SLCO5A1: variants seen among roughly 807,000 people sequenced by gnomAD.
The protein encoded by SLCO5A1 is solute carrier organic anion transporter family member 5A1, also known as organic anion transporter polypeptide-related protein 4.
Under a neutral mutation model 65.1 loss-of-function variants are expected in SLCO5A1, and 39 were observed. The ratio of observed to expected loss-of-function variants is 0.60; its 90% confidence interval spans 0.46 to 0.78. SLCO5A1 has a LOEUF of 0.78. Among genes scored for constraint, SLCO5A1 ranks in the 30% least tolerant of loss-of-function variants. SLCO5A1 has a pLI of 0.00. For synonymous variants in SLCO5A1, 438 were observed against 415.7 expected (o/e 1.05, Z -0.65); for missense variants, 1,029 against 1,069.4 (o/e 0.96, Z 0.53).
chr8:69,801,267 T>G (rs1244761436), intron 2 of SLCO5A1, among the ~76,000 whole-genome samples: 1 of 152,218 alleles, frequency 6.6e-6, no homozygotes, highest in Non-Finnish European at 1.5e-5. Context: ...CTTAAATTAG[T>G]AGAGCTGTAA....
chr8:69,727,765 G>T (rs13253141), intron 5 of SLCO5A1, among the ~76,000 whole-genome samples: 2,075 of 152,272 alleles, frequency 0.014, 32 homozygotes, highest in Middle Eastern at 0.041. Flanking sequence ...TCATTCTTTT[G>T]ATCTTTATAA....
chr8:69,766,498 CAT>C (rs1491427006), intron 2 of SLCO5A1, among the ~76,000 whole-genome samples: 1 of 152,078 alleles, frequency 6.6e-6, no homozygotes, highest in African/African-American at 2.4e-5. Flanking sequence ...TCTGTGTGCA[CAT>C]GTGTGTGTTT....
chr8:69,686,231 C>CAAAAAAA lies in SLCO5A1; in HGVS notation c.1623-3895_1623-3889dup, dbSNP rs3060023. 6.0e-4 allele frequency among the ~76,000 whole-genome samples: 85 copies of CAAAAAAA among 141,706 alleles called. 2 individuals carry two copies. Among genetic ancestry groups the CAAAAAAA allele is most frequent in the African/African-American group, 1.1e-3 (40 of 36,118 alleles). 93.0% of individuals were successfully genotyped at this position (141,706 alleles called of 152,430 possible). A position where few individuals can be genotyped will look rare whatever the true frequency, so the allele number is the denominator to read the frequency against. On this transcript the variant is annotated intron_variant, in intron 6 of 9. Coordinates refer to ENST00000260126, the MANE Select transcript of SLCO5A1 (RefSeq NM_030958.3). ...GACTAAAAGAACATGCTTCACACAG[C>CAAAAAAA]AAAAAAAAGAGAGAGAAGACCTCTT...
At chr8:69,786,041 T>G (rs1282914652) in intron 2 of SLCO5A1, among the ~76,000 whole-genome samples, 1 of 152,242 alleles carries the variant, frequency 6.6e-6, no homozygotes, top group Non-Finnish European at 1.5e-5. Flanking sequence ...TGGAGTAATC[T>G]CATCAGTTAT....
chr8:69,816,694 G>A (rs1441279395), intron 2 of SLCO5A1, among the ~76,000 whole-genome samples: 2 of 152,000 alleles, frequency 1.3e-5, no homozygotes, highest in South Asian at 4.2e-4. Flanking sequence ...TAATCTTAAC[G>A]TGCCTACTCT....
At chr8:69,800,467 T>C (rs543853079) in intron 2 of SLCO5A1, among the ~76,000 whole-genome samples, 1 of 152,296 alleles carries the variant, frequency 6.6e-6, no homozygotes, top group Non-Finnish European at 1.5e-5. Flanking sequence ...ATTCATTCTT[T>C]AGCCAAGTCT....
intron 2 of SLCO5A1, among the ~76,000 whole-genome samples, chr8:69,820,329 C>T (rs1411187599): frequency 1.3e-5 from 2 of 152,214 alleles, no homozygotes; most frequent in Non-Finnish European, 2.9e-5. Context: ...CTGTACCAGC[C>T]CCTGACTGCC....
intron 2 of SLCO5A1, among the ~76,000 whole-genome samples, chr8:69,789,306 T>C (rs1819168040): frequency 6.6e-6 from 1 of 152,266 alleles, no homozygotes; most frequent in African/African-American, 2.4e-5. Context: ...AAAATCAGTA[T>C]GCAAGTAATA....
At chr8:69,774,566 T>G (rs1412052384) in intron 2 of SLCO5A1, among the ~76,000 whole-genome samples, 2 of 152,216 alleles carry the variant, frequency 1.3e-5, no homozygotes, top group Non-Finnish European at 2.9e-5. Flanking sequence ...CCCTCCGGTG[T>G]GTAACCCACT....
At chr8:69,804,913 T>G (rs1819925044) in intron 2 of SLCO5A1, among the ~76,000 whole-genome samples, 2 of 152,196 alleles carry the variant, frequency 1.3e-5, no homozygotes, top group Non-Finnish European at 2.9e-5. Flanking sequence ...CCTTGACACT[T>G]CTGGATTCTC....
intron 2 of SLCO5A1, among the ~76,000 whole-genome samples, chr8:69,792,885 G>GA (rs980466044): frequency 3.3e-5 from 5 of 151,586 alleles, no homozygotes; most frequent in East Asian, 1.9e-4. Flanking sequence ...ATACTCTTTG[G>GA]AAAAAAAATC....
chr8:69,680,503 T>C (rs1299240422), intron 7 of SLCO5A1, among the ~76,000 whole-genome samples: 3 of 152,212 alleles, frequency 2.0e-5, no homozygotes, highest in Non-Finnish European at 4.4e-5. Flanking sequence ...CCATGGTGTA[T>C]ATTATCACAT....
At position 69,726,309 on chromosome 8, in the gene SLCO5A1, G is replaced by A. The variant is rs139039842; in HGVS notation, c.1423+11731C>T. Among the ~76,000 whole-genome samples the A allele has an allele frequency of 2.5e-3, 376 of 152,256 alleles. 3 individuals are homozygous for A. The highest frequency in any genetic ancestry group is 8.7e-3 in the African/African-American group (361 of 41,524). On this transcript the variant is annotated intron_variant, in intron 5 of 9. Coordinates refer to ENST00000260126, the MANE Select transcript of SLCO5A1 (RefSeq NM_030958.3). ...TTTATATTGGAAAAATAAATGCAGA[G>A]TAAATAAATCAGAGATATAAACATT...
At chr8:69,807,105 C>A (rs550439175) in intron 2 of SLCO5A1, among the ~76,000 whole-genome samples, 1 of 152,206 alleles carries the variant, frequency 6.6e-6, no homozygotes, top group Admixed American at 6.5e-5. Flanking sequence ...TACAGGGCAA[C>A]GGAAACTCAA....
chr8:69,733,028 A>G (rs910063192), intron 5 of SLCO5A1, among the ~76,000 whole-genome samples: 1 of 152,212 alleles, frequency 6.6e-6, no homozygotes, highest in African/African-American at 2.4e-5. Flanking sequence ...GAAAACTGGC[A>G]TAATTAATAA....
At chr8:69,762,063 T>C (rs1281868550) in intron 2 of SLCO5A1, among the ~76,000 whole-genome samples, 188 bp from the exon 3 acceptor site, 5 of 152,236 alleles carry the variant, frequency 3.3e-5, no homozygotes, top group African/African-American at 1.2e-4. Context: ...GTTAACCTAT[T>C]GTCCTCTTAG....
intron 2 of SLCO5A1, among the ~76,000 whole-genome samples, chr8:69,780,711 G>A (rs1397274100): frequency 6.6e-6 from 1 of 152,082 alleles, no homozygotes; most frequent in East Asian, 1.9e-4. Context: ...TGGTATTTGG[G>A]TGATGGATAC....
At chr8:69,733,319 A>G (rs752907600) in intron 5 of SLCO5A1, among the ~76,000 whole-genome samples, 11 of 152,196 alleles carry the variant, frequency 7.2e-5, no homozygotes, top group Non-Finnish European at 1.6e-4. Context: ...TAAGCTTCAA[A>G]ACAAATCACT....
In SLCO5A1 at chr8:69,789,712, T is replaced by C. The variant is rs1390751816; in HGVS notation, c.908-27837A>G. On this transcript the variant is annotated intron_variant, in intron 2 of 9. Coordinates refer to ENST00000260126, the MANE Select transcript of SLCO5A1 (RefSeq NM_030958.3). The stretch of plus-strand genomic sequence containing the variant: ...CTGTCTTATCACCAAAAATTAACTA[T>C]CTGAGATGATAGATATGTTAATATC... 2.6e-5 allele frequency among the ~76,000 whole-genome samples: 4 copies of C among 152,176 alleles called. No individual in the cohort carries two copies. The East Asian group carries it at 7.7e-4, about 29-fold the overall frequency.
Sources: gnomAD v4.1 joint callset for allele counts (sites outside exome capture counted in the v4.1 genomes callset) on GRCh38, gnomAD v4.1.1 for gene constraint, MANE v1.5 for transcripts, NCBI Gene and HGNC (gene_info 2026-07-23, HGNC 2026-07-21) for gene names.